USP29: variants seen among roughly 807,000 people sequenced by gnomAD.
The protein encoded by USP29 is ubiquitin specific peptidase 29.
For missense variants in USP29, 1,102 were observed against 1,069.0 expected, an observed-to-expected ratio of 1.03 and a Z score of -0.43; for synonymous variants, 386 against 387.4, an observed-to-expected ratio of 1.00 and a Z score of 0.04.
At chr19:57,121,972 GAT>G (rs2086799991) in intron 1 of USP29, among the ~76,000 whole-genome samples, 1 of 151,362 alleles carries the variant, frequency 6.6e-6, no homozygotes, top group Non-Finnish European at 1.5e-5. Flanking sequence ...TAGATAGATA[GAT>G]AGATACATAG....
At position 57,129,088 on chromosome 19, in the gene USP29, G is replaced by A; in HGVS notation, c.413G>A (p.Cys138Tyr). The A allele has an allele frequency of 1.9e-6, 3 of 1,612,574 alleles. No individual in the cohort carries two copies. Among genetic ancestry groups the A allele is most frequent in the Non-Finnish European group, 2.5e-6 (3 of 1,179,164 alleles). The change falls in exon 4 of 4, where the codon TGT (cysteine) becomes TAT (tyrosine). Residue 138 changes from cysteine (C) to tyrosine (Y), a missense_variant. By Grantham distance (194) the Cys-to-Tyr change is radical. Transcript: ENST00000254181. ...EIDKTSFYSI[C>Y]NKPSYQKMPL... Reference sequence around the variant, plus strand: ...GACAAAACTTCATTTTACAGCATTTGTAACAAGCCAAGTTATCAGAAGATG... The same window carrying A: ...GACAAAACTTCATTTTACAGCATTTATAACAAGCCAAGTTATCAGAAGATG...
chr19:57,124,343 T>G (rs1399601417), intron 3 of USP29, among the ~76,000 whole-genome samples: 5 of 115,716 alleles, frequency 4.3e-5, no homozygotes, highest in Non-Finnish European at 8.2e-5. Context: ...TCCCTTCATG[T>G]TTTTTTTTTT....
Position 57,130,604 on chromosome 19 carries a change from G to T in USP29, c.1929G>T (p.Lys643Asn). Reference protein sequence around the residue: ...VHFRDRAIGEKELPVADSLMD... With the variant: ...VHFRDRAIGENELPVADSLMD... ...TTAGAGATAGGGCAATCGGTGAAAA[G>T]GAGCTTCCAGTGGCTGACTCACTGA... Residue 643 changes from lysine to asparagine, a missense_variant, in exon 4 of 4, where the codon AAG becomes AAT. By Grantham distance (94) the Lys-to-Asn change is moderately conservative. Coordinates refer to ENST00000254181, the MANE Select transcript of USP29 (RefSeq NM_020903.3). The T allele has an allele frequency of 6.2e-7, 1 of 1,614,176 alleles. No individual in the cohort carries two copies. The highest frequency in any genetic ancestry group is 1.1e-5 in the South Asian group (1 of 91,084).
At position 57,128,683 on chromosome 19, in the gene USP29, CT is replaced by C; in HGVS notation, c.9del (p.Leu4Ter). 6.3e-7 allele frequency: 1 copy of C among 1,584,862 alleles called. No homozygotes were observed. Among genetic ancestry groups the C allele is most frequent in the Non-Finnish European group, 8.5e-7 (1 of 1,170,506 alleles). ...AGGTTACATAAAGAAAGGATGATAT[CT>C]CTAAAGGTATGTGGATTCATCCAAA... MISLKVCGFIQIW... is the reference protein window; with the variant it reads MIXLKVCGFIQIW... On this transcript the variant is annotated frameshift_variant, in exon 4 of 4. Transcript: ENST00000254181. LOFTEE classifies it low-confidence loss of function (END_TRUNC).
rs779367461 is a variant in USP29, at chr19:57,129,737, T to TA, written c.1068dup (p.Val357SerfsTer16). ...TCAAGAGAGAATTACTTGGGAATGT[T>TA]AAAAAAGTCATTTCAGCAGTTGCAG... On this transcript the variant is annotated frameshift_variant, in exon 4 of 4. Coordinates refer to ENST00000254181, the MANE Select transcript of USP29 (RefSeq NM_020903.3). LOFTEE classifies it low-confidence loss of function (END_TRUNC). 53 of 1,613,688 alleles carry TA rather than the reference T, an allele frequency of 3.3e-5. No individual in the cohort carries two copies. In the Admixed American group the frequency reaches 3.8e-4, roughly 12 times the overall value.
rs144043204 is a variant in USP29 at position 57,126,771 on chromosome 19, A to G, written c.-16-1889A>G. On this transcript the variant is annotated intron_variant, in intron 3 of 3. Transcript: ENST00000254181. ...GAAGCCTAGTTCTATCAATTCATCA[A>G]TCTCATTCTCTGTCCAGTTTTGTGT... is the stretch of plus-strand genomic sequence containing the variant. 3.0e-3 allele frequency among the ~76,000 whole-genome samples: 451 copies of G among 152,130 alleles called. 2 individuals carry two copies. Among genetic ancestry groups the G allele is most frequent in the African/African-American group, 0.01 (434 of 41,494 alleles).
Position 57,130,877 on chromosome 19 carries a change from C to G in USP29, c.2202C>G (p.Leu734=). ...GATCTCAAGGAATGGCTGAACAGCTCCAGCAGTGTATTGAGGAGAGCATCA... is the reference window on the plus strand; with the variant it reads ...GATCTCAAGGAATGGCTGAACAGCTGCAGCAGTGTATTGAGGAGAGCATCA... ...PEGSQGMAEQ[L]QQCIEESIID... The change falls in exon 4 of 4, where the codon CTC becomes CTG. Residue 734 remains leucine, a synonymous_variant. Transcript: ENST00000254181. 6.2e-7 allele frequency: 1 copy of G among 1,614,116 alleles called. No homozygotes were observed. Among genetic ancestry groups the G allele is most frequent in the Non-Finnish European group, 8.5e-7 (1 of 1,180,030 alleles).
chr19:57,128,036 T>C (rs1220264087), intron 3 of USP29, among the ~76,000 whole-genome samples: 2 of 136,180 alleles, frequency 1.5e-5, no homozygotes, highest in African/African-American at 2.7e-5. Flanking sequence ...CCTGGCTCCT[T>C]GCATTTCCCA....
rs564407701 is a variant in USP29, at chr19:57,129,023, T to C, written c.348T>C (p.Asp116=). 17 of 1,613,944 alleles carry C rather than the reference T, an allele frequency of 1.1e-5. No homozygotes were observed. The highest frequency in any genetic ancestry group is 9.9e-5 in the South Asian group (9 of 91,036). Residue 116 remains aspartate, a synonymous_variant, in exon 4 of 4, where the codon GAT becomes GAC. Transcript: ENST00000254181. ...AGCAACCCATGAAATCTGATGATGATTGGAGTGTGTTTGAAAGCAGGAATA... is the reference window on the plus strand; with the variant it reads ...AGCAACCCATGAAATCTGATGATGACTGGAGTGTGTTTGAAAGCAGGAATA... ...KSQQPMKSDD[D]WSVFESRNML... is the part of the protein sequence containing the mutation.
chr19:57,123,799 T>C (rs2086809565), intron 2 of USP29, among the ~76,000 whole-genome samples: 1 of 152,216 alleles, frequency 6.6e-6, no homozygotes, highest in South Asian at 2.1e-4. Flanking sequence ...TCAGTTGATA[T>C]ATTAATCTAA....
At position 57,130,613 on chromosome 19, in the gene USP29, A is replaced by G; in HGVS notation, c.1938A>G (p.Pro646=). 1 of 1,614,202 alleles carries G rather than the reference A, an allele frequency of 6.2e-7. No individual in the cohort carries two copies. Among genetic ancestry groups the G allele is most frequent in the Non-Finnish European group, 8.5e-7 (1 of 1,180,036 alleles). Residue 646 remains proline (P), a synonymous_variant, in exon 4 of 4, where the codon CCA becomes CCG. Transcript: ENST00000254181. ...GGGCAATCGGTGAAAAGGAGCTTCC[A>G]GTGGCTGACTCACTGATGGACCAGG... ...RDRAIGEKEL[P]VADSLMDQGD... is the part of the protein sequence containing the mutation.
At chr19:57,121,434 T>TATGCTA (rs1568453908) in intron 1 of USP29, among the ~76,000 whole-genome samples, 2 of 144,838 alleles carry the variant, frequency 1.4e-5, no homozygotes, top group East Asian at 2.0e-4. Flanking sequence ...TATACTTATG[T>TATGCTA]TATATACTTA....
At position 57,129,265 on chromosome 19, in the gene USP29, C is replaced by A. The variant is rs1411094553; in HGVS notation, c.590C>A (p.Thr197Lys). ...DNPVPNKKYK[T>K]DSLKYIQSNR... The stretch of plus-strand genomic sequence containing the variant: ...CCTGTACCAAACAAGAAATATAAGA[C>A]AGATTCCTTGAAATATATACAAAGC... Residue 197 changes from threonine to lysine, a missense_variant, in exon 4 of 4, where the codon ACA (threonine) becomes AAA (lysine). Physicochemically the swap from Thr to Lys is moderately conservative, Grantham distance 78 (BLOSUM62 -1). Transcript: ENST00000254181. The A allele has an allele frequency of 6.2e-7, 1 of 1,613,168 alleles. No individual in the cohort carries two copies. Among genetic ancestry groups the A allele is most frequent in the South Asian group, 1.1e-5 (1 of 90,854 alleles).
In USP29 at chr19:57,129,139, C is replaced by T; in HGVS notation, c.464C>T (p.Thr155Ile). 6.2e-7 allele frequency: 1 copy of T among 1,612,808 alleles called. No individual in the cohort carries two copies. Among genetic ancestry groups the T allele is most frequent in the Non-Finnish European group, 8.5e-7 (1 of 1,179,534 alleles). ...CCTTTGTTTATGTCAAAATCACCAA[C>T]ACATGTGAAAAAGGGGATATTAGAA... ...KMPLFMSKSP[T>I]HVKKGILENQ... is the part of the protein sequence containing the mutation. The change falls in exon 4 of 4, where the codon ACA (threonine) becomes ATA (isoleucine). Residue 155 changes from threonine (T) to isoleucine (I), a missense_variant. Transcript: ENST00000254181.
rs768430111 is a variant in USP29, at chr19:57,131,475, A to G, written c.*31A>G. ...TCACTCGGCCTCACTTCATCCTTGC[A>G]AAGAGAATCCTGTACTTCATCCTTG... is the stretch of plus-strand genomic sequence containing the variant. On this transcript the variant is annotated 3_prime_UTR_variant, in exon 4 of 4. Transcript: ENST00000254181. 3 of 1,561,020 alleles carry G rather than the reference A, an allele frequency of 1.9e-6. No homozygotes were observed. In the South Asian group the frequency reaches 3.7e-5, roughly 19 times the overall value.
At chr19:57,120,805 A>AAAAAAAAAAC (rs1342984778) in intron 1 of USP29, among the ~76,000 whole-genome samples, 1 of 148,270 alleles carries the variant, frequency 6.7e-6, no homozygotes, top group African/African-American at 2.5e-5. Context: ...AAAAAAAAAA[A>AAAAAAAAAAC]AAAAAAAACA....
Position 57,120,014 on chromosome 19 carries a change from G to A in USP29, c.-483G>A, listed in dbSNP as rs558683541. On this transcript the variant is annotated 5_prime_UTR_variant, in exon 1 of 4. Transcript: ENST00000254181. ...TTCTGTTCCCAGGAGAATCAGGGGA[G>A]TCGGCGCCGGAAGGGGCGGGTCCGA... 6.6e-6 allele frequency: 1 copy of A among 152,648 alleles called. No homozygotes were observed. The highest frequency in any genetic ancestry group is 6.5e-5 in the Admixed American group (1 of 15,316). 9.5% of individuals were successfully genotyped at this position (152,648 alleles called of 1,614,324 possible).
chr19:57,126,779 C>G (rs1209226499), intron 3 of USP29, among the ~76,000 whole-genome samples: 1 of 152,146 alleles, frequency 6.6e-6, no homozygotes, highest in African/African-American at 2.4e-5. Context: ...CAATCTCATT[C>G]TCTGTCCAGT....
chr19:57,124,682 T>C (rs988115739), intron 3 of USP29, among the ~76,000 whole-genome samples: 1 of 151,984 alleles, frequency 6.6e-6, no homozygotes, highest in African/African-American at 2.4e-5. Context: ...CTAATTTTTG[T>C]ATTTTTAGTA....
Sources: allele counts gnomAD v4.1 joint callset (sites outside exome capture counted in the v4.1 genomes callset), GRCh38; gene constraint gnomAD v4.1.1; transcripts MANE v1.5; gene names NCBI Gene and HGNC (gene_info 2026-07-23, HGNC 2026-07-21).